Variants in MEF2C observed in about 807,000 individuals in gnomAD.
MEF2C encodes myocyte-specific enhancer factor 2C.
Under a neutral mutation model 50.5 loss-of-function variants are expected in MEF2C, and 6 were observed. The observed-to-expected ratio is 0.12, with a 90% confidence interval of 0.07 to 0.23. MEF2C has a LOEUF of 0.23. Among genes scored for constraint, MEF2C ranks in the 10% least tolerant of loss-of-function variants. The pLI is 1.00. For missense variants in MEF2C, 276 were observed against 605.0 expected (o/e 0.46, Z 5.70); for synonymous variants, 183 against 228.0 (o/e 0.80, Z 1.78).
At chr5:88,791,217 T>A (rs1000179962) in intron 3 of MEF2C, among the ~76,000 whole-genome samples, 5 of 152,164 alleles carry the variant, frequency 3.3e-5, no homozygotes, top group Non-Finnish European at 7.4e-5. Context: ...TAAATATCAT[T>A]AAAAATTGAC....
At chr5:88,750,842 T>A (rs1772398878) in intron 5 of MEF2C, among the ~76,000 whole-genome samples, 1 of 152,356 alleles carries the variant, frequency 6.6e-6, no homozygotes. Context: ...GTAAGGCAGA[T>A]ATATAAGTAT....
At chr5:88,792,627 T>C (rs1349881299) in intron 3 of MEF2C, among the ~76,000 whole-genome samples, 1 of 152,222 alleles carries the variant, frequency 6.6e-6, no homozygotes, top group Non-Finnish European at 1.5e-5. Context: ...CTGTTGTATA[T>C]CTTCCCTGTT....
intron 3 of MEF2C, among the ~76,000 whole-genome samples, chr5:88,763,308 C>G (rs1304951119): frequency 6.6e-6 from 1 of 152,178 alleles, no homozygotes; most frequent in Non-Finnish European, 1.5e-5. Flanking sequence ...TCACTCATAA[C>G]AAGTACTTTT....
chr5:88,774,442 C>T (rs1017010918), intron 3 of MEF2C, among the ~76,000 whole-genome samples: 6 of 151,872 alleles, frequency 4.0e-5, no homozygotes, highest in African/African-American at 1.5e-4. Context: ...CCCGCCTCAG[C>T]TTCCCGAGTA....
chr5:88,855,633 C>T (rs1823032304), intron 1 of MEF2C, among the ~76,000 whole-genome samples: 8 of 152,100 alleles, frequency 5.3e-5, no homozygotes, highest in Admixed American at 5.2e-4. Context: ...GAGGTTTCTC[C>T]CATACTGTTC....
intron 6 of MEF2C, chr5:88,742,722 G>T: frequency 2.0e-6 from 2 of 985,244 alleles, no homozygotes; most frequent in Non-Finnish European, 2.4e-6. Context: ...TTTTTCATTT[G>T]TCTTGTCTTT....
intron 3 of MEF2C, among the ~76,000 whole-genome samples, chr5:88,801,494 CTT>C (rs35142539): frequency 2.0e-3 from 280 of 139,406 alleles, no homozygotes; most frequent in Middle Eastern, 3.6e-3. Flanking sequence ...TACTTGGGAA[CTT>C]TTTTTTTTTT....
At chr5:88,810,139 G>A (rs188216180) in intron 2 of MEF2C, among the ~76,000 whole-genome samples, 18 of 151,944 alleles carry the variant, frequency 1.2e-4, no homozygotes, top group East Asian at 3.9e-4. Flanking sequence ...TGAATGTTTC[G>A]GTATAATTTT....
chr5:88,760,859 C>T (rs1422291440), intron 4 of MEF2C: 1 of 1,010,372 alleles, frequency 9.9e-7, no homozygotes, highest in Non-Finnish European at 1.4e-6. Context: ...AATGAGCTGC[C>T]CGTGGGATGA....
At chr5:88,743,578 C>T (rs141777383) in intron 6 of MEF2C, 3 of 978,384 alleles carry the variant, frequency 3.1e-6, no homozygotes, top group South Asian at 4.7e-5. Flanking sequence ...TAAAACATTG[C>T]GTGTAAATGG....
At position 88,722,545 on chromosome 5, in the gene MEF2C, A is replaced by T; in HGVS notation, c.*59T>A. On this transcript the variant is annotated 3_prime_UTR_variant, in exon 11 of 11. Transcript: ENST00000504921. ...GCATATCGACCCCCCTTCCCCATTA[A>T]GGTATAGCACACACACACACTGCAA... 7.0e-7 allele frequency: 1 copy of T among 1,429,856 alleles called. No individual in the cohort carries two copies. Among genetic ancestry groups the T allele is most frequent in the Non-Finnish European group, 9.5e-7 (1 of 1,049,074 alleles). The allele number at this position is 1,429,856 out of a possible 1,614,324, so 88.6% of individuals were successfully genotyped here. A position where few individuals can be genotyped will look rare whatever the true frequency, so the allele number is the denominator to read the frequency against.
At chr5:88,872,109 C>A (rs977137729) in intron 1 of MEF2C, among the ~76,000 whole-genome samples, 14 of 151,706 alleles carry the variant, frequency 9.2e-5, no homozygotes, top group Admixed American at 7.2e-4. Flanking sequence ...TACATATAAT[C>A]AAAGTTGTCT....
intron 2 of MEF2C, among the ~76,000 whole-genome samples, chr5:88,820,560 A>T (rs536113383): frequency 3.9e-5 from 6 of 152,116 alleles, no homozygotes; most frequent in African/African-American, 1.4e-4. Context: ...TTCTGGAAAA[A>T]ACATAACTTA....
At chr5:88,729,934 A>T (rs1760721888) in intron 8 of MEF2C, among the ~76,000 whole-genome samples, 1 of 152,198 alleles carries the variant, frequency 6.6e-6, no homozygotes, top group Non-Finnish European at 1.5e-5. Flanking sequence ...TCCCAGAAGA[A>T]GAAATATTTT....
chr5:88,789,434 C>T (rs1295157018), intron 3 of MEF2C, among the ~76,000 whole-genome samples: 1 of 151,810 alleles, frequency 6.6e-6, no homozygotes, highest in Non-Finnish European at 1.5e-5. Context: ...TCCCAAAGTG[C>T]TGGGATTACA....
chr5:88,749,092 C>T lies in MEF2C; in HGVS notation c.615G>A (p.Thr205=), dbSNP rs776496777. ...NTGGLMGGDL[T]SGAGTSAGNG... ...TACCTGCACTGGTGCCTGCACCAGA[C>T]GTGAGGTCTCCACCCATCAGACCAC... Residue 205 remains threonine, a synonymous_variant, in exon 6 of 11, where the codon ACG becomes ACA. Coordinates refer to ENST00000504921, the MANE Select transcript of MEF2C (RefSeq NM_002397.5). 125 of 1,575,560 alleles carry T rather than the reference C, an allele frequency of 7.9e-5. No homozygotes were observed. Among genetic ancestry groups the T allele is most frequent in the Non-Finnish European group, 1.1e-4 (122 of 1,159,842 alleles).
chr5:88,734,975 A>G lies in MEF2C; in HGVS notation c.638-3074T>C, dbSNP rs908627631. 17 of 985,374 alleles carry G rather than the reference A, an allele frequency of 1.7e-5. No homozygotes were observed. The African/African-American group carries it at 2.8e-4, about 16-fold the overall frequency. 61.0% of individuals were successfully genotyped at this position (985,374 alleles called of 1,614,324 possible). On this transcript the variant is annotated intron_variant, in intron 6 of 10. Coordinates refer to ENST00000504921, the MANE Select transcript of MEF2C (RefSeq NM_002397.5). ...CTAGTGAATTTCTGCTGTTTTTAGC[A>G]TATTGTGCCAGCTAGCATTTTGGAG...
At chr5:88,750,394 G>A (rs1772150163) in intron 5 of MEF2C, among the ~76,000 whole-genome samples, 1 of 151,868 alleles carries the variant, frequency 6.6e-6, no homozygotes, top group African/African-American at 2.4e-5. Context: ...TGTTTGTAGA[G>A]ATGGGGTTTC....
chr5:88,749,077 G>A lies in MEF2C; in HGVS notation c.630C>T (p.Thr210=). 1 of 1,573,824 alleles carries A rather than the reference G, an allele frequency of 6.4e-7. No individual in the cohort carries two copies. The highest frequency in any genetic ancestry group is 8.6e-7 in the Non-Finnish European group (1 of 1,158,936). ...TATGGAGTCTGGGCTTACCTGCACTGGTGCCTGCACCAGACGTGAGGTCTC... is the reference window on the plus strand; with the variant it reads ...TATGGAGTCTGGGCTTACCTGCACTAGTGCCTGCACCAGACGTGAGGTCTC... The part of the protein sequence containing the change: ...MGGDLTSGAG[T]SAGNGYGNPR... Residue 210 remains threonine (T), a synonymous_variant, in exon 6 of 11, where the codon ACC becomes ACT. Transcript: ENST00000504921.
Sources: allele counts gnomAD v4.1 joint callset (sites outside exome capture counted in the v4.1 genomes callset), GRCh38; gene constraint gnomAD v4.1.1; transcripts MANE v1.5; gene names NCBI Gene and HGNC (gene_info 2026-07-23, HGNC 2026-07-21).